The following NBAS variants were observed in gnomAD, a reference collection of about 807,000 sequenced individuals.
NBAS encodes the protein NBAS subunit of NRZ tethering complex, also known as NAG/BC035112 fusion.
NBAS carries 219 observed loss-of-function variants against 302.5 expected under a neutral mutation model. The ratio of observed to expected loss-of-function variants is 0.72; its 90% CI spans 0.65 to 0.81. The LOEUF (loss-of-function observed/expected upper bound fraction) is 0.81. NBAS is among the 30% of genes least tolerant of loss of function. The pLI is 0.00. For missense variants in NBAS, 2,932 were observed against 2,841.6 expected (o/e 1.03, Z -0.72); for synonymous variants, 1,118 against 1,021.6 (o/e 1.09, Z -1.80).
the NBAS span, among the ~76,000 whole-genome samples, chr2:15,096,348 A>AAG: frequency 1.3e-5 from 2 of 152,194 alleles, no homozygotes; most frequent in Non-Finnish European, 2.9e-5. Context: ...GCTGTGAGTC[A>AAG]GGGCCACAAC....
the NBAS span, among the ~76,000 whole-genome samples, chr2:14,843,563 C>A: frequency 7.2e-6 from 1 of 138,190 alleles, no homozygotes; most frequent in South Asian, 2.1e-4. Flanking sequence ...CACAGACACA[C>A]ACACACACAC....
the NBAS span, among the ~76,000 whole-genome samples, chr2:15,029,275 G>C: frequency 6.6e-6 from 1 of 152,194 alleles, no homozygotes; most frequent in Non-Finnish European, 1.5e-5. Flanking sequence ...CTAGGAGGAT[G>C]CAGCTACAAA....
At chr2:15,146,386 T>G in the NBAS span, among the ~76,000 whole-genome samples, 3 of 152,256 alleles carry the variant, frequency 2.0e-5, no homozygotes, top group East Asian at 5.8e-4. Flanking sequence ...TAAAATGTGA[T>G]GCATATCTTC....
At chr2:14,961,948 G>A in the NBAS span, among the ~76,000 whole-genome samples, 3 of 151,902 alleles carry the variant, frequency 2.0e-5, no homozygotes, top group Non-Finnish European at 4.4e-5. Flanking sequence ...CCCAGCTAAT[G>A]TTTTTGTATT....
intron 35 of NBAS, among the ~76,000 whole-genome samples, chr2:15,333,515 G>A (rs1672443425): frequency 6.6e-6 from 1 of 152,174 alleles, no homozygotes. Flanking sequence ...TTTGGAGACT[G>A]CTGCCTCAGT....
intron 48 of NBAS, among the ~76,000 whole-genome samples, chr2:15,212,326 C>T (rs569448365): frequency 2.0e-5 from 3 of 152,324 alleles, no homozygotes; most frequent in African/African-American, 7.2e-5. Flanking sequence ...CCACACCCTT[C>T]CGTGTTGCCT....
intron 27 of NBAS, among the ~76,000 whole-genome samples, chr2:15,395,189 T>G: frequency 6.6e-6 from 1 of 152,056 alleles, no homozygotes; most frequent in African/African-American, 2.4e-5. Context: ...GATGGCATAT[T>G]AAAACTACCA....
At chr2:14,797,714 G>A in the NBAS span, among the ~76,000 whole-genome samples, 3 of 152,206 alleles carry the variant, frequency 2.0e-5, no homozygotes, top group African/African-American at 7.2e-5. Context: ...AGCTATAGTG[G>A]TCACAGAGTT....
intron 25 of NBAS, among the ~76,000 whole-genome samples, chr2:15,403,364 T>C (rs1676243652): frequency 6.6e-6 from 1 of 152,204 alleles, no homozygotes; most frequent in South Asian, 2.1e-4. Flanking sequence ...CAAGGTAGAG[T>C]TGGCCCTCCA....
At chr2:15,545,881 C>A (rs1258330621) in intron 6 of NBAS, among the ~76,000 whole-genome samples, 1 of 152,210 alleles carries the variant, frequency 6.6e-6, no homozygotes, top group Non-Finnish European at 1.5e-5. Flanking sequence ...ATGCAATAAT[C>A]TGCTATGTTT....
At chr2:15,325,635 G>A (rs1348132390) in intron 38 of NBAS, among the ~76,000 whole-genome samples, 1 of 152,216 alleles carries the variant, frequency 6.6e-6, no homozygotes, top group Non-Finnish European at 1.5e-5. Flanking sequence ...TTTGGCTTAA[G>A]GGAATGTTGT....
intron 42 of NBAS, among the ~76,000 whole-genome samples, chr2:15,279,806 A>T (rs548903868): frequency 6.6e-6 from 1 of 152,208 alleles, no homozygotes; most frequent in Non-Finnish European, 1.5e-5. Context: ...CTAGTAATCA[A>T]TAGCTCATTT....
chr2:15,058,218 G>T, the NBAS span, among the ~76,000 whole-genome samples: 1 of 152,068 alleles, frequency 6.6e-6, no homozygotes, highest in Non-Finnish European at 1.5e-5. Flanking sequence ...AAGAAATTTC[G>T]CCCCCTAGAG....
chr2:14,842,901 A>G, the NBAS span, among the ~76,000 whole-genome samples: 12 of 152,178 alleles, frequency 7.9e-5, no homozygotes, highest in Non-Finnish European at 1.6e-4. Flanking sequence ...ATAGATGCAA[A>G]AATTCTCAAC....
At chr2:14,845,390 C>T in the NBAS span, among the ~76,000 whole-genome samples, 2 of 152,172 alleles carry the variant, frequency 1.3e-5, no homozygotes, top group Non-Finnish European at 2.9e-5. Flanking sequence ...TATATCACAA[C>T]ACCCAAGTTC....
At chr2:14,892,156 T>C in the NBAS span, among the ~76,000 whole-genome samples, 1 of 152,122 alleles carries the variant, frequency 6.6e-6, no homozygotes, top group South Asian at 2.1e-4. Context: ...GCAGAATTGG[T>C]AGTCATTCCT....
the NBAS span, among the ~76,000 whole-genome samples, chr2:14,794,278 CT>C: frequency 6.6e-6 from 1 of 152,134 alleles, no homozygotes; most frequent in African/African-American, 2.4e-5. Context: ...GCAAATAAAC[CT>C]CCTAAAATGA....
chr2:15,510,226 T>C (rs1261189002), intron 10 of NBAS, among the ~76,000 whole-genome samples: 1 of 152,234 alleles, frequency 6.6e-6, no homozygotes, highest in Non-Finnish European at 1.5e-5. Context: ...GTAAACATAA[T>C]TAGTATTTAC....
At chr2:14,827,338 T>C in the NBAS span, among the ~76,000 whole-genome samples, 450 of 152,346 alleles carry the variant, frequency 3.0e-3, 3 homozygotes, top group African/African-American at 0.01. Context: ...TGTAAACATG[T>C]TTTGATTTTA....
Sources: gnomAD v4.1 joint callset for allele counts (sites outside exome capture counted in the v4.1 genomes callset) on GRCh38, gnomAD v4.1.1 for gene constraint, MANE v1.5 for transcripts, NCBI Gene and HGNC (gene_info 2026-07-23, HGNC 2026-07-21) for gene names.